Variants in FHIT observed in about 807,000 individuals in gnomAD.
The protein encoded by FHIT is fragile histidine triad diadenosine triphosphatase, also known as bis(5'-adenosyl)-triphosphatase.
In FHIT, 19 loss-of-function variants were observed where a neutral mutation model predicts 17.9. The ratio of observed to expected loss-of-function variants is 1.06; its 90% confidence interval spans 0.74 to 1.56. FHIT has a LOEUF of 1.56. Ranked by LOEUF, FHIT falls within the 40% of genes most tolerant of loss-of-function variation. FHIT has a pLI of 0.00. For missense variants in FHIT, 248 were observed against 189.2 expected (o/e 1.31, Z -1.82); for synonymous variants, 81 against 69.7 (o/e 1.16, Z -0.81).
chr3:60,654,934 G>A (rs2855999), intron 4 of FHIT, among the ~76,000 whole-genome samples: 12,616 of 152,150 alleles, frequency 0.083, 737 homozygotes, highest in Non-Finnish European at 0.13. Flanking sequence ...GGTATTGAGT[G>A]CCCATATCTC....
At chr3:60,371,576 CTTTTT>C (rs762607414) in intron 5 of FHIT, among the ~76,000 whole-genome samples, 8 of 152,092 alleles carry the variant, frequency 5.3e-5, no homozygotes, top group Non-Finnish European at 1.0e-4. Context: ...CAAGGCTCTT[CTTTTT>C]ATTTTTCAAT....
chr3:60,515,824 G>A (rs2035133397), intron 5 of FHIT, among the ~76,000 whole-genome samples: 1 of 152,210 alleles, frequency 6.6e-6, no homozygotes, highest in African/African-American at 2.4e-5. Context: ...TAAGGTAACT[G>A]AAGGAAATCT....
intron 1 of FHIT, among the ~76,000 whole-genome samples, chr3:61,235,416 G>C (rs1298061212): frequency 1.1e-4 from 17 of 151,904 alleles, no homozygotes. Context: ...CCTGGCCATA[G>C]TAATCTAATT....
At chr3:60,210,458 A>G (rs931055846) in intron 5 of FHIT, among the ~76,000 whole-genome samples, 7 of 152,218 alleles carry the variant, frequency 4.6e-5, no homozygotes, top group African/African-American at 1.7e-4. Context: ...ACCAGTGATT[A>G]CATAAAAGAT....
intron 3 of FHIT, among the ~76,000 whole-genome samples, chr3:61,014,807 A>AAAT (rs1553798839): frequency 2.0e-5 from 1 of 49,118 alleles, no homozygotes; most frequent in African/African-American, 5.4e-5. Context: ...AAAAAAAAAA[A>AAAT]ATATATATAT....
chr3:60,741,046 T>C (rs2042229887), intron 4 of FHIT, among the ~76,000 whole-genome samples: 1 of 152,226 alleles, frequency 6.6e-6, no homozygotes, highest in African/African-American at 2.4e-5. Flanking sequence ...CAGGGACATA[T>C]ATATTTTGGT....
intron 5 of FHIT, among the ~76,000 whole-genome samples, chr3:60,338,204 A>T (rs1710336740): frequency 6.6e-6 from 1 of 152,116 alleles, no homozygotes; most frequent in African/African-American, 2.4e-5. Flanking sequence ...ACCACATTCC[A>T]CTTTAAGACT....
chr3:61,212,419 G>T (rs923246226), intron 1 of FHIT, among the ~76,000 whole-genome samples: 1 of 152,092 alleles, frequency 6.6e-6, no homozygotes, highest in Non-Finnish European at 1.5e-5. Flanking sequence ...AAGATGAAAT[G>T]AATGAAATGA....
intron 5 of FHIT, among the ~76,000 whole-genome samples, chr3:60,459,382 C>T (rs2032317846): frequency 6.6e-6 from 1 of 152,060 alleles, no homozygotes; most frequent in Non-Finnish European, 1.5e-5. Context: ...TTAACTAAAA[C>T]AAAGAGTGGG....
intron 8 of FHIT, among the ~76,000 whole-genome samples, chr3:59,868,920 A>G (rs1441439793): frequency 6.6e-6 from 1 of 152,218 alleles, no homozygotes; most frequent in Non-Finnish European, 1.5e-5. Flanking sequence ...TTTGGATCAC[A>G]TGCTTACTCC....
chr3:60,166,549 A>G (rs1286410607), intron 5 of FHIT, among the ~76,000 whole-genome samples: 1 of 152,152 alleles, frequency 6.6e-6, no homozygotes, highest in Non-Finnish European at 1.5e-5. Flanking sequence ...AGGTACTATT[A>G]TTATCTCCAG....
chr3:61,076,273 A>G (rs930739338), intron 2 of FHIT, among the ~76,000 whole-genome samples: 1 of 152,202 alleles, frequency 6.6e-6, no homozygotes, highest in African/African-American at 2.4e-5. Context: ...CATAGAGAAA[A>G]TAAGCCTCCA....
intron 7 of FHIT, among the ~76,000 whole-genome samples, chr3:59,937,098 T>C (rs1278840451): frequency 6.6e-6 from 1 of 152,210 alleles, no homozygotes; most frequent in East Asian, 1.9e-4. Flanking sequence ...GTGTCACACA[T>C]TATTTTCAGT....
intron 1 of FHIT, among the ~76,000 whole-genome samples, chr3:61,220,754 T>C (rs1316316216): frequency 2.0e-5 from 3 of 152,244 alleles, no homozygotes; most frequent in Non-Finnish European, 2.9e-5. Flanking sequence ...TTACTAGGAA[T>C]GAAAATTGAT....
intron 3 of FHIT, among the ~76,000 whole-genome samples, chr3:60,943,514 T>C (rs1708506149): frequency 6.6e-6 from 1 of 152,192 alleles, no homozygotes; most frequent in Non-Finnish European, 1.5e-5. Context: ...AATTGGGTTG[T>C]TCCTTGTAAA....
intron 5 of FHIT, among the ~76,000 whole-genome samples, chr3:60,229,164 C>T (rs9875448): frequency 0.26 from 39,591 of 152,028 alleles, 5,914 homozygotes; most frequent in African/African-American, 0.41. Context: ...TGCCTGTAAT[C>T]GCAGTACTTT....
At chr3:60,225,895 T>C (rs1364892654) in intron 5 of FHIT, among the ~76,000 whole-genome samples, 1 of 152,168 alleles carries the variant, frequency 6.6e-6, no homozygotes, top group African/African-American at 2.4e-5. Flanking sequence ...GACCAAGTCC[T>C]GACCAGGAAT....
intron 2 of FHIT, among the ~76,000 whole-genome samples, chr3:61,043,625 A>G (rs1310678153): frequency 6.6e-6 from 1 of 152,184 alleles, no homozygotes; most frequent in East Asian, 1.9e-4. Flanking sequence ...CTTTGAAGAG[A>G]GCAGTGGTTC....
At chr3:60,952,731 T>A (rs569726341) in intron 3 of FHIT, among the ~76,000 whole-genome samples, 1 of 152,074 alleles carries the variant, frequency 6.6e-6, no homozygotes, top group African/African-American at 2.4e-5. Flanking sequence ...AGAAGGAAAG[T>A]CTCATTCTTA....
Sources: gnomAD v4.1 joint callset for allele counts (sites outside exome capture counted in the v4.1 genomes callset) on GRCh38, gnomAD v4.1.1 for gene constraint, MANE v1.5 for transcripts, NCBI Gene and HGNC (gene_info 2026-07-23, HGNC 2026-07-21) for gene names.